Variants in EHBP1 observed in about 807,000 individuals in gnomAD.
EHBP1 encodes EH domain binding protein 1.
A neutral mutation model predicts 144.0 loss-of-function variants in EHBP1; 55 were observed. The observed-to-expected ratio is 0.38, with a 90% CI of 0.31 to 0.48. The LOEUF is 0.48. EHBP1 is among the 20% of genes least tolerant of loss of function. The probability of loss-of-function intolerance (pLI) is 0.98; values close to 1 mark genes in which losing one functional copy is unlikely to be tolerated. For missense variants in EHBP1, 1,200 were observed against 1,364.2 expected (o/e 0.88, Z 1.90); for synonymous variants, 469 against 472.7 (o/e 0.99, Z 0.10).
At chr2:62,732,238 C>G (rs2037673939) in intron 2 of EHBP1, among the ~76,000 whole-genome samples, 1 of 152,056 alleles carries the variant, frequency 6.6e-6, no homozygotes, top group African/African-American at 2.4e-5. Flanking sequence ...GCTTAGTGTT[C>G]TCTGAGTTTC....
chr2:62,856,362 C>T (rs567079174), intron 7 of EHBP1, among the ~76,000 whole-genome samples: 14 of 152,350 alleles, frequency 9.2e-5, no homozygotes, highest in African/African-American at 3.4e-4. Context: ...CAGGTGCCAC[C>T]ACGTTCCCAG....
intron 1 of EHBP1, among the ~76,000 whole-genome samples, chr2:62,683,322 G>C (rs181347175): frequency 1.3e-5 from 2 of 152,260 alleles, no homozygotes; most frequent in Admixed American, 6.5e-5. Context: ...CATTGTCTTG[G>C]CTTGGGTCAT....
intron 19 of EHBP1, among the ~76,000 whole-genome samples, chr2:63,007,957 A>G (rs1256581570): frequency 6.6e-6 from 1 of 151,724 alleles, no homozygotes; most frequent in Non-Finnish European, 1.5e-5. Context: ...AGCTAACCTC[A>G]GAGGTTCCCC....
intron 10 of EHBP1, among the ~76,000 whole-genome samples, chr2:62,896,222 G>A (rs1573950791): frequency 6.6e-6 from 1 of 152,126 alleles, no homozygotes; most frequent in African/African-American, 2.4e-5. Flanking sequence ...AGAATTCCAG[G>A]CAACATGTGT....
chr2:62,882,865 A>G (rs1375346344), intron 10 of EHBP1, among the ~76,000 whole-genome samples: 1 of 142,070 alleles, frequency 7.0e-6, no homozygotes, highest in African/African-American at 2.7e-5. Context: ...CTGGGCAACA[A>G]GAGTGAAACT....
At chr2:62,823,396 T>A (rs1430830502) in intron 5 of EHBP1, among the ~76,000 whole-genome samples, 1 of 152,144 alleles carries the variant, frequency 6.6e-6, no homozygotes, top group African/African-American at 2.4e-5. Flanking sequence ...ATTCTTGTTC[T>A]TTTGTCCAAC....
intron 10 of EHBP1, among the ~76,000 whole-genome samples, chr2:62,898,356 G>A (rs930911192): frequency 4.6e-5 from 7 of 152,116 alleles, no homozygotes; most frequent in South Asian, 4.1e-4. Context: ...GGGGTGAGCC[G>A]TGAGCTCTCC....
At chr2:62,777,060 G>T (rs1322331272) in intron 5 of EHBP1, among the ~76,000 whole-genome samples, 2 of 152,082 alleles carry the variant, frequency 1.3e-5, no homozygotes, top group Admixed American at 1.3e-4. Flanking sequence ...CTGCAACCTT[G>T]AACTCCTGGG....
chr2:62,956,874 C>T (rs764810504), intron 14 of EHBP1, among the ~76,000 whole-genome samples: 1 of 152,158 alleles, frequency 6.6e-6, no homozygotes, highest in Admixed American at 6.5e-5. Flanking sequence ...GTTGGAACAC[C>T]TACATGTGGC....
At chr2:63,021,247 C>T (rs1377418455) in intron 19 of EHBP1, among the ~76,000 whole-genome samples, 2 of 152,008 alleles carry the variant, frequency 1.3e-5, no homozygotes, top group Admixed American at 6.6e-5. Context: ...TCTGTCTCTC[C>T]CCCAGCCCCC....
chr2:62,681,338 G>GTATATATATATATATATATA (rs1376388270), intron 1 of EHBP1, among the ~76,000 whole-genome samples: 32 of 16,906 alleles, frequency 1.9e-3, no homozygotes, highest in Admixed American at 1.7e-3. Flanking sequence ...GTATGTGTGT[G>GTATATATATATATATATATA]TGTATATATA....
At chr2:62,743,997 G>T (rs548842829) in intron 2 of EHBP1, among the ~76,000 whole-genome samples, 2 of 152,004 alleles carry the variant, frequency 1.3e-5, no homozygotes, top group Non-Finnish European at 2.9e-5. Context: ...CTTTTTAATG[G>T]CTTTGGAGAT....
intron 19 of EHBP1, among the ~76,000 whole-genome samples, chr2:63,030,229 T>C (rs2061174569): frequency 6.6e-6 from 1 of 152,218 alleles, no homozygotes; most frequent in Non-Finnish European, 1.5e-5. Flanking sequence ...CCTTAATTTA[T>C]AAGAGGTCTT....
chr2:62,696,474 TTTTTTC>T (rs993123009), intron 1 of EHBP1, among the ~76,000 whole-genome samples: 4 of 150,566 alleles, frequency 2.7e-5, no homozygotes, highest in African/African-American at 9.7e-5. Flanking sequence ...TTTTCTTCTC[TTTTTTC>T]TTTTTCTTTT....
intron 10 of EHBP1, among the ~76,000 whole-genome samples, chr2:62,894,453 A>G (rs1172232906): frequency 6.6e-6 from 1 of 151,966 alleles, no homozygotes; most frequent in Non-Finnish European, 1.5e-5. Context: ...AGAGATGACA[A>G]TTGATCTGAG....
At chr2:62,953,994 G>A (rs2057550291) in intron 13 of EHBP1, among the ~76,000 whole-genome samples, 1 of 152,174 alleles carries the variant, frequency 6.6e-6, no homozygotes, top group Admixed American at 6.5e-5. Context: ...AGTAGTTAAT[G>A]TTTATTCAGT....
In EHBP1 at chr2:62,993,933, A is replaced by G; in HGVS notation, c.2935A>G (p.Ile979Val). ...TKKGNEEKAA[I>V]TETQRKPSED... ...GAAAGGAAATGAGGAGAAGGCAGCGATAACTGAAACTCAGAGGAAGCCATC... is the reference window on the plus strand; with the variant it reads ...GAAAGGAAATGAGGAGAAGGCAGCGGTAACTGAAACTCAGAGGAAGCCATC... The change falls in exon 18 of 23, where the codon ATA becomes GTA. Residue 979 changes from isoleucine to valine, a missense_variant. Coordinates refer to ENST00000431489, the MANE Select transcript of EHBP1 (RefSeq NM_001142616.3). 6.3e-7 allele frequency: 1 copy of G among 1,591,702 alleles called. No homozygotes were observed. Among genetic ancestry groups the G allele is most frequent in the Non-Finnish European group, 8.6e-7 (1 of 1,166,752 alleles).
intron 10 of EHBP1, among the ~76,000 whole-genome samples, chr2:62,878,555 CAAA>C (rs2051089779): frequency 6.6e-6 from 1 of 152,098 alleles, no homozygotes; most frequent in African/African-American, 2.4e-5. Context: ...AATGTAGATG[CAAA>C]AATCTTTAAC....
intron 2 of EHBP1, among the ~76,000 whole-genome samples, chr2:62,744,246 T>C (rs2038958926): frequency 6.6e-6 from 1 of 152,142 alleles, no homozygotes; most frequent in Admixed American, 6.6e-5. Context: ...ATGTTAAATA[T>C]GTAGTTGTTG....
Sources: gnomAD v4.1 joint callset for allele counts (sites outside exome capture counted in the v4.1 genomes callset) on GRCh38, gnomAD v4.1.1 for gene constraint, MANE v1.5 for transcripts, NCBI Gene and HGNC (gene_info 2026-07-23, HGNC 2026-07-21) for gene names.